Variants in ARFGEF1 observed in about 807,000 individuals in gnomAD.
The protein encoded by ARFGEF1 is ARF guanine nucleotide exchange factor 1.
Under a neutral mutation model 231.0 loss-of-function variants are expected in ARFGEF1, and 42 were observed. That is an observed-to-expected ratio of 0.18 (90% CI 0.14 to 0.24). The LOEUF (loss-of-function observed/expected upper bound fraction) is 0.24. Ranked by LOEUF, ARFGEF1 falls within the 10% of genes least tolerant of loss-of-function variation. ARFGEF1 has a pLI of 1.00. For synonymous variants in ARFGEF1, 710 were observed against 732.3 expected (o/e 0.97, Z 0.49); for missense variants, 1,345 against 2,192.0 (o/e 0.61, Z 7.72).
chr8:67,264,729 A>T (rs1157662464), intron 14 of ARFGEF1, among the ~76,000 whole-genome samples: 3 of 152,206 alleles, frequency 2.0e-5, no homozygotes, highest in Admixed American at 6.5e-5. Flanking sequence ...GTAGAAAGCA[A>T]GTCTAGCTGC....
chr8:67,274,021 T>A (rs1400926532), intron 9 of ARFGEF1, among the ~76,000 whole-genome samples: 1 of 152,178 alleles, frequency 6.6e-6, no homozygotes, highest in Non-Finnish European at 1.5e-5. Context: ...ACACTGTACA[T>A]GCTAAAAAAA....
At chr8:67,189,503 C>A (rs909332320) in intron 5 of ARFGEF1, among the ~76,000 whole-genome samples, 2 of 152,066 alleles carry the variant, frequency 1.3e-5, no homozygotes, top group African/African-American at 4.8e-5. Context: ...TATAGAAAGC[C>A]CCATATCTTA....
intron 5 of ARFGEF1, among the ~76,000 whole-genome samples, chr8:67,175,743 T>C (rs1429520302): frequency 6.6e-6 from 1 of 152,200 alleles, no homozygotes; most frequent in Non-Finnish European, 1.5e-5. Context: ...GGAAGGAGTG[T>C]CAGGCAGACA....
intron 1 of ARFGEF1, among the ~76,000 whole-genome samples, chr8:67,302,816 T>C (rs1806553571): frequency 6.7e-6 from 1 of 150,318 alleles, no homozygotes; most frequent in African/African-American, 2.5e-5. Context: ...GGCTCACGCC[T>C]GTAATCCTAG....
intron 1 of ARFGEF1, among the ~76,000 whole-genome samples, chr8:67,318,278 C>CAAAAAA (rs1807421942): frequency 6.9e-6 from 1 of 144,306 alleles, no homozygotes. Flanking sequence ...AGAAAAAAAT[C>CAAAAAA]ACATGATCAT....
intron 17 of ARFGEF1, among the ~76,000 whole-genome samples, chr8:67,255,410 C>T (rs1039712325): frequency 6.6e-6 from 1 of 152,024 alleles, no homozygotes; most frequent in Non-Finnish European, 1.5e-5. Context: ...AAATTGTGTT[C>T]TAAATATGCC....
At chr8:67,220,025 CA>C (rs1381320945) in intron 29 of ARFGEF1, among the ~76,000 whole-genome samples, 5 of 152,018 alleles carry the variant, frequency 3.3e-5, no homozygotes, top group African/African-American at 1.2e-4. Flanking sequence ...CATCCCTAAA[CA>C]AAAGGATTTA....
intron 19 of ARFGEF1, among the ~76,000 whole-genome samples, chr8:67,248,483 T>C (rs1190430018): frequency 6.7e-6 from 1 of 150,326 alleles, no homozygotes; most frequent in Non-Finnish European, 1.5e-5. Flanking sequence ...TATACAAAAA[T>C]CAGATCAAAA....
At chr8:67,310,438 G>A (rs1391514832) in intron 1 of ARFGEF1, among the ~76,000 whole-genome samples, 4 of 152,146 alleles carry the variant, frequency 2.6e-5, no homozygotes, top group Non-Finnish European at 1.5e-5. Flanking sequence ...GCGTGATCTC[G>A]GCTCGCTACA....
intron 9 of ARFGEF1, among the ~76,000 whole-genome samples, chr8:67,274,149 T>C (rs1805215723): frequency 1.3e-5 from 2 of 152,258 alleles, no homozygotes; most frequent in South Asian, 2.1e-4. Flanking sequence ...ATACTTTTGA[T>C]AGGCAAAAGA....
chr8:67,259,609 T>TA (rs141752100), intron 15 of ARFGEF1, among the ~76,000 whole-genome samples: 1 of 152,098 alleles, frequency 6.6e-6, no homozygotes, highest in Non-Finnish European at 1.5e-5. Context: ...ATTATTAACT[T>TA]AAAAAAGAAT....
intron 22 of ARFGEF1, among the ~76,000 whole-genome samples, 184 bp from the exon 23 acceptor site, chr8:67,233,129 T>C (rs1473373197): frequency 6.6e-6 from 1 of 152,018 alleles, no homozygotes; most frequent in Non-Finnish European, 1.5e-5. Context: ...CTTTACTAAG[T>C]AGTATACAAC....
At chr8:67,205,151 T>TC (rs1440586378) in intron 34 of ARFGEF1, among the ~76,000 whole-genome samples, 2 of 152,212 alleles carry the variant, frequency 1.3e-5, no homozygotes, top group East Asian at 3.8e-4. Context: ...ATTTTTTTTT[T>TC]CTTAGCTCAC....
intron 1 of ARFGEF1, among the ~76,000 whole-genome samples, chr8:67,329,471 G>A (rs1807995961): frequency 6.6e-6 from 1 of 151,578 alleles, no homozygotes; most frequent in Admixed American, 6.6e-5. Context: ...GGAGCTTGCA[G>A]TGAGCCGAGA....
At chr8:67,190,304 A>G (rs1023062178) in intron 5 of ARFGEF1, among the ~76,000 whole-genome samples, 1 of 152,228 alleles carries the variant, frequency 6.6e-6, no homozygotes, top group African/African-American at 2.4e-5. Flanking sequence ...CCTTATTGCT[A>G]AGTGAAAAGA....
intron 9 of ARFGEF1, among the ~76,000 whole-genome samples, chr8:67,275,021 A>G (rs1805255386): frequency 6.6e-6 from 1 of 152,152 alleles, no homozygotes; most frequent in Non-Finnish European, 1.5e-5. Context: ...TTAAACAAAT[A>G]TAACAAATGT....
At chr8:67,202,694 G>A (rs895722936) in intron 36 of ARFGEF1, among the ~76,000 whole-genome samples, 40 of 152,120 alleles carry the variant, frequency 2.6e-4, no homozygotes, top group Admixed American at 1.8e-3. Context: ...CTGAGCTCTG[G>A]CCACTCCCAG....
intron 19 of ARFGEF1, among the ~76,000 whole-genome samples, chr8:67,240,564 A>G (rs1839898285): frequency 6.6e-6 from 1 of 152,202 alleles, no homozygotes; most frequent in South Asian, 2.1e-4. Flanking sequence ...GAAATAATCA[A>G]TATTCATAAA....
intron 7 of ARFGEF1, among the ~76,000 whole-genome samples, chr8:67,278,535 T>A (rs16933236): frequency 1.3e-5 from 2 of 152,110 alleles, no homozygotes; most frequent in African/African-American, 4.8e-5. Context: ...CTCTCCAAAT[T>A]AGAACACCCT....
Sources: allele counts gnomAD v4.1 joint callset (sites outside exome capture counted in the v4.1 genomes callset), GRCh38; gene constraint gnomAD v4.1.1; transcripts MANE v1.5; gene names NCBI Gene and HGNC (gene_info 2026-07-23, HGNC 2026-07-21).